The following WDR75 variants were observed in gnomAD, a reference collection of about 807,000 sequenced individuals.
WDR75 encodes WD repeat-containing protein 75.
In WDR75, 52 loss-of-function variants were observed where a neutral mutation model predicts 106.1. The observed-to-expected ratio is 0.49, with a 90% CI of 0.39 to 0.62. The LOEUF (loss-of-function observed/expected upper bound fraction) is 0.62. Ranked by LOEUF, WDR75 falls within the 20% of genes least tolerant of loss-of-function variation. The pLI, the probability that WDR75 is intolerant of heterozygous loss-of-function variation, is 0.00. For missense variants in WDR75, 905 were observed against 970.3 expected (o/e 0.93, Z 0.89); for synonymous variants, 333 against 335.5 (o/e 0.99, Z 0.08).
chr2:189,467,275 C>T (rs1209281626), intron 13 of WDR75, among the ~76,000 whole-genome samples, 193 bp from the exon 14 acceptor site: 1 of 152,102 alleles, frequency 6.6e-6, no homozygotes, highest in Admixed American at 6.6e-5. Flanking sequence ...TATGTGCATG[C>T]TCTGTGTCTG....
intron 5 of WDR75, 118 bp from the exon 6 acceptor site, chr2:189,457,193 A>T (rs546917100): frequency 3.0e-6 from 2 of 665,428 alleles, no homozygotes; most frequent in East Asian, 6.1e-5. Flanking sequence ...GTGAGCCGAG[A>T]TCGCACCATC....
chr2:189,447,126 GT>G (rs1212921416), intron 1 of WDR75, among the ~76,000 whole-genome samples: 1 of 152,190 alleles, frequency 6.6e-6, no homozygotes, highest in Non-Finnish European at 1.5e-5. Context: ...TTGACTGTAG[GT>G]AATTAAAACC....
At chr2:189,472,151 C>T (rs1048685854) in intron 18 of WDR75, among the ~76,000 whole-genome samples, 4 of 152,082 alleles carry the variant, frequency 2.6e-5, no homozygotes, top group African/African-American at 7.2e-5. Flanking sequence ...TCTAAACTTG[C>T]GGTATTCACA....
intron 3 of WDR75, 145 bp downstream of exon 3, chr2:189,451,113 CTA>C: frequency 9.0e-7 from 1 of 1,116,676 alleles, no homozygotes; most frequent in Non-Finnish European, 1.2e-6. Context: ...ATTAATTTGA[CTA>C]TATAAAAATT....
chr2:189,474,087 C>T (rs2105576720), intron 18 of WDR75, 99 bp from the exon 19 acceptor site: 5 of 1,294,704 alleles, frequency 3.9e-6, no homozygotes, highest in South Asian at 1.6e-5. Flanking sequence ...AAATTCCTTT[C>T]ATCCCAGACT....
At position 189,458,867 on chromosome 2, in the gene WDR75, T is replaced by C; in HGVS notation, c.684T>C (p.Arg228=). Residue 228 remains arginine (R), a synonymous_variant, in exon 7 of 21, where the codon CGT becomes CGC. Coordinates refer to ENST00000314761, the MANE Select transcript of WDR75 (RefSeq NM_032168.3). ...IASGHMDGKI[R]LWRNFYDDKK... ...CTGGTCACATGGATGGCAAAATTCG[T>C]CTTTGGTCAGTTTGCTCATGAAGAG... 1.2e-6 allele frequency: 2 copies of C among 1,601,766 alleles called. No homozygotes were observed. Among genetic ancestry groups the C allele is most frequent in the Non-Finnish European group, 1.7e-6 (2 of 1,175,014 alleles).
At chr2:189,468,984 T>C (rs973842011) in intron 15 of WDR75, among the ~76,000 whole-genome samples, 3 of 152,152 alleles carry the variant, frequency 2.0e-5, no homozygotes, top group African/African-American at 7.2e-5. Context: ...CCCATTTGAG[T>C]GTATGTTTGG....
chr2:189,470,959 A>C (rs1331677126), intron 18 of WDR75, 81 bp downstream of exon 18: 1 of 1,093,282 alleles, frequency 9.1e-7, no homozygotes, highest in Non-Finnish European at 1.3e-6. Context: ...CTATGAAAAA[A>C]ATATTTCACT....
intron 2 of WDR75, chr2:189,449,853 A>C (rs368610484): frequency 5.1e-6 from 5 of 984,896 alleles, no homozygotes; most frequent in Non-Finnish European, 6.0e-6. Context: ...CTCTGAGTCC[A>C]TGTCTCTATT....
chr2:189,466,355 A>G (rs76407376), intron 12 of WDR75, 70 bp from the exon 13 acceptor site: 61,692 of 1,518,866 alleles, frequency 0.041, 1,747 homozygotes, highest in African/African-American at 0.14. Context: ...AATGTACAGC[A>G]TGTCAGAAAT....
At chr2:189,441,726 G>A (rs1274904522) in intron 1 of WDR75, 148 bp downstream of exon 1, 62 of 901,514 alleles carry the variant, frequency 6.9e-5, no homozygotes, top group Non-Finnish European at 9.8e-5. Context: ...GGATCCCCAG[G>A]GTACCTGGGA....
rs775590487 is a variant in WDR75 at position 189,462,476 on chromosome 2, A to G, written c.779-8A>G. The stretch of plus-strand genomic sequence containing the variant: ...CCATCCTTTTAATTTCCTTGAATGG[A>G]TATGAAGGCACCAGTCTGCTGAGTG... On this transcript the variant is annotated splice_polypyrimidine_tract_variant and splice_region_variant and intron_variant, in intron 8 of 20. Coordinates refer to ENST00000314761, the MANE Select transcript of WDR75 (RefSeq NM_032168.3). 40 of 1,613,240 alleles carry G rather than the reference A, an allele frequency of 2.5e-5. No individual in the cohort carries two copies. The highest frequency in any genetic ancestry group is 3.3e-5 in the Non-Finnish European group (39 of 1,179,574).
rs113541602 is a variant in WDR75 at position 189,459,063 on chromosome 2, G to A, written c.689+191G>A. On this transcript the variant is annotated intron_variant, in intron 7 of 20. Transcript: ENST00000314761. The stretch of plus-strand genomic sequence containing the variant: ...GTGAGTGAAACATTTTTTGTTGCCT[G>A]TAATCATTTTATTGAAGAAAACTTT... Among the ~76,000 whole-genome samples, 80 of 152,240 alleles carry A rather than the reference G, an allele frequency of 5.3e-4. 1 individual carries two copies. Among genetic ancestry groups the A allele is most frequent in the African/African-American group, 1.9e-3 (78 of 41,534 alleles).
intron 8 of WDR75, among the ~76,000 whole-genome samples, chr2:189,461,845 GTT>G: frequency 6.6e-6 from 1 of 152,152 alleles, no homozygotes. Context: ...TTAGTGTGGT[GTT>G]TGCTATAGAT....
intron 6 of WDR75, among the ~76,000 whole-genome samples, chr2:189,458,079 A>T (rs1001472604): frequency 1.6e-4 from 25 of 152,114 alleles, no homozygotes; most frequent in African/African-American, 4.6e-4. Context: ...GTCTGCCACC[A>T]GGCTGGCAAA....
chr2:189,442,133 C>G (rs1054184245), intron 1 of WDR75, among the ~76,000 whole-genome samples: 5 of 152,194 alleles, frequency 3.3e-5, no homozygotes, highest in Admixed American at 1.3e-4. Flanking sequence ...TCAAAATCCA[C>G]TTCTTACATT....
intron 14 of WDR75, among the ~76,000 whole-genome samples, chr2:189,468,269 C>G (rs1235294444): frequency 1.3e-5 from 2 of 152,080 alleles, no homozygotes; most frequent in Non-Finnish European, 2.9e-5. Context: ...ATTGGTCATC[C>G]GTTCTGTTTT....
At chr2:189,442,982 A>G (rs1488537646) in intron 1 of WDR75, among the ~76,000 whole-genome samples, 2 of 152,216 alleles carry the variant, frequency 1.3e-5, no homozygotes, top group Non-Finnish European at 2.9e-5. Flanking sequence ...CTTATTCATT[A>G]TAATGAGGTC....
At chr2:189,471,775 G>A (rs987287289) in intron 18 of WDR75, among the ~76,000 whole-genome samples, 1 of 152,148 alleles carries the variant, frequency 6.6e-6, no homozygotes, top group African/African-American at 2.4e-5. Context: ...TATTAGTGGT[G>A]TGGTTTTTCT....
Sources: allele counts gnomAD v4.1 joint callset (sites outside exome capture counted in the v4.1 genomes callset), GRCh38; gene constraint gnomAD v4.1.1; transcripts MANE v1.5; gene names NCBI Gene and HGNC (gene_info 2026-07-23, HGNC 2026-07-21).